TGFB2: variants seen among roughly 807,000 people sequenced by gnomAD.
TGFB2 encodes transforming growth factor beta-2 proprotein.
A neutral mutation model predicts 42.7 loss-of-function variants in TGFB2; 13 were observed. The ratio of observed to expected loss-of-function variants is 0.30; its 90% confidence interval spans 0.20 to 0.48. TGFB2 has a LOEUF of 0.48. Ranked by LOEUF, TGFB2 falls within the 20% of genes least tolerant of loss-of-function variation. TGFB2 has a pLI of 0.99. For missense variants in TGFB2, 390 were observed against 517.5 expected (o/e 0.75, Z 2.39); for synonymous variants, 193 against 193.6 (o/e 1.00, Z 0.03).
At chr1:218,352,271 T>C (rs766235802) in intron 1 of TGFB2, among the ~76,000 whole-genome samples, 22 of 152,168 alleles carry the variant, frequency 1.4e-4, no homozygotes, top group Non-Finnish European at 2.8e-4. Context: ...AGAGAGGATT[T>C]GGATTTGCCA....
At chr1:218,437,310 A>G in intron 5 of TGFB2, 33 bp from the exon 6 acceptor site, 1 of 1,541,850 alleles carries the variant, frequency 6.5e-7, no homozygotes, top group South Asian at 1.2e-5. Flanking sequence ...CAGCTTTAAA[A>G]TCTCCATTGC....
chr1:218,406,708 G>A (rs1310509679), intron 2 of TGFB2, among the ~76,000 whole-genome samples: 2 of 152,128 alleles, frequency 1.3e-5, no homozygotes, highest in Non-Finnish European at 2.9e-5. Flanking sequence ...GGAAGGGCAG[G>A]CACTGCAAAG....
At chr1:218,418,380 C>T (rs1029494879) in intron 2 of TGFB2, among the ~76,000 whole-genome samples, 14 of 152,234 alleles carry the variant, frequency 9.2e-5, no homozygotes, top group African/African-American at 3.4e-4. Context: ...TGACCAATTT[C>T]TCCCATTTGG....
intron 1 of TGFB2, among the ~76,000 whole-genome samples, chr1:218,392,372 A>G (rs1322607794): frequency 1.3e-5 from 2 of 152,004 alleles, no homozygotes; most frequent in African/African-American, 4.8e-5. Context: ...AAACAAACAA[A>G]CAAACAAAAA....
At chr1:218,428,681 T>C (rs562039505) in intron 2 of TGFB2, among the ~76,000 whole-genome samples, 1 of 152,238 alleles carries the variant, frequency 6.6e-6, no homozygotes, top group Non-Finnish European at 1.5e-5. Flanking sequence ...CTCTGTTCTG[T>C]TCCATTGATC....
intron 1 of TGFB2, among the ~76,000 whole-genome samples, chr1:218,403,574 A>T (rs1658804732): frequency 6.6e-6 from 1 of 152,222 alleles, no homozygotes; most frequent in Non-Finnish European, 1.5e-5. Flanking sequence ...GCCAACAGTC[A>T]GATGCCTGAG....
chr1:218,381,920 A>G (rs1052972158), intron 1 of TGFB2, among the ~76,000 whole-genome samples: 2 of 152,150 alleles, frequency 1.3e-5, no homozygotes, highest in Admixed American at 6.5e-5. Flanking sequence ...TTTTAAATTG[A>G]AGAAATTAGT....
At chr1:218,355,727 C>G (rs942167203) in intron 1 of TGFB2, among the ~76,000 whole-genome samples, 1 of 152,216 alleles carries the variant, frequency 6.6e-6, no homozygotes, top group Non-Finnish European at 1.5e-5. Context: ...CTTCTTTCCA[C>G]AGCAGCTATT....
chr1:218,379,224 C>T (rs1657870010), intron 1 of TGFB2, among the ~76,000 whole-genome samples: 1 of 151,150 alleles, frequency 6.6e-6, no homozygotes, highest in Non-Finnish European at 1.5e-5. Context: ...GCTCCGCCTC[C>T]CGGGTTCACG....
chr1:218,437,456 C>A lies in TGFB2; in HGVS notation c.1046C>A (p.Ala349Glu). The A allele has an allele frequency of 6.2e-7, 1 of 1,613,342 alleles. No individual in the cohort carries two copies. The highest frequency in any genetic ancestry group is 8.5e-7 in the Non-Finnish European group (1 of 1,179,774). ...KGYNANFCAGACPYLWSSDTQ... is the reference protein window; with the variant it reads ...KGYNANFCAGECPYLWSSDTQ... ...TACAATGCCAACTTCTGTGCTGGAG[C>A]ATGCCCGTATTTATGGAGTTCAGAC... The change falls in exon 6 of 7, where the codon GCA becomes GAA. Residue 349 changes from alanine to glutamate, a missense_variant. Transcript: ENST00000366930.
rs11118106 is a variant in TGFB2, at chr1:218,441,683, G to GACA, written c.*341_*343dup. ...TATTAGTGTTAATTATGTGAACAAC[G>GACA]ACAACAACAACAACAACAACAAACA... is the stretch of plus-strand genomic sequence containing the variant. On this transcript the variant is annotated 3_prime_UTR_variant, in exon 7 of 7. Transcript: ENST00000366930. 1,116 of 193,696 alleles carry GACA rather than the reference G, an allele frequency of 5.8e-3. 11 individuals carry two copies. Among genetic ancestry groups the GACA allele is most frequent in the African/African-American group, 0.024 (1,005 of 42,244 alleles). The allele number at this position is 193,696 out of a possible 1,614,324, so 12.0% of individuals were successfully genotyped here. A position where few individuals can be genotyped will look rare whatever the true frequency, so the allele number is the denominator to read the frequency against.
chr1:218,416,685 C>T (rs918639149), intron 2 of TGFB2, among the ~76,000 whole-genome samples: 2 of 152,168 alleles, frequency 1.3e-5, no homozygotes, highest in Non-Finnish European at 2.9e-5. Flanking sequence ...CCTGGTTGGT[C>T]CCCCTGTTTC....
At chr1:218,438,974 T>C (rs1660062114) in intron 6 of TGFB2, among the ~76,000 whole-genome samples, 1 of 151,982 alleles carries the variant, frequency 6.6e-6, no homozygotes, top group Non-Finnish European at 1.5e-5. Flanking sequence ...CCAGGCATGG[T>C]GGCGGGTGCC....
intron 2 of TGFB2, among the ~76,000 whole-genome samples, chr1:218,414,762 G>T (rs934574111): frequency 6.6e-6 from 1 of 150,412 alleles, no homozygotes; most frequent in Non-Finnish European, 1.5e-5. Flanking sequence ...TTCATAATGT[G>T]ACTCAGTAAC....
Position 218,444,543 on chromosome 1 carries a change from C to G in TGFB2, c.*3181C>G, listed in dbSNP as rs896828458. On this transcript the variant is annotated 3_prime_UTR_variant, in exon 7 of 7. Transcript: ENST00000366930. ...TTCCTCCAATTTTTTTGGCTGCTAC[C>G]TACAAGACCAGACTCCTCAAACGAG... 1 of 152,118 alleles carries G rather than the reference C, an allele frequency of 6.6e-6. No individual in the cohort carries two copies. Among genetic ancestry groups the G allele is most frequent in the African/African-American group, 2.4e-5 (1 of 41,434 alleles). 9.4% of individuals were successfully genotyped at this position (152,118 alleles called of 1,614,324 possible). A position where few individuals can be genotyped will look rare whatever the true frequency, so the allele number is the denominator to read the frequency against.
At chr1:218,403,335 T>C (rs1322867543) in intron 1 of TGFB2, among the ~76,000 whole-genome samples, 3 of 152,200 alleles carry the variant, frequency 2.0e-5, no homozygotes, top group Non-Finnish European at 4.4e-5. Flanking sequence ...TCCGTGGGCC[T>C]GTGTGCTGAG....
intron 1 of TGFB2, among the ~76,000 whole-genome samples, chr1:218,393,741 G>A (rs1253247754): frequency 6.6e-6 from 1 of 152,124 alleles, no homozygotes; most frequent in Non-Finnish European, 1.5e-5. Context: ...GATTATGGCA[G>A]AGAAGAGCTG....
At chr1:218,419,588 A>C (rs537820069) in intron 2 of TGFB2, among the ~76,000 whole-genome samples, 1 of 152,312 alleles carries the variant, frequency 6.6e-6, no homozygotes, top group South Asian at 2.1e-4. Flanking sequence ...GTGTTTTTTA[A>C]TGAATTTAAC....
intron 5 of TGFB2, among the ~76,000 whole-genome samples, chr1:218,436,570 G>A (rs1385757375): frequency 6.6e-6 from 1 of 152,196 alleles, no homozygotes; most frequent in Admixed American, 6.5e-5. Flanking sequence ...ACAGAGATGA[G>A]ACAGCAGAAG....
Sources: gnomAD v4.1 joint callset for allele counts (sites outside exome capture counted in the v4.1 genomes callset) on GRCh38, gnomAD v4.1.1 for gene constraint, MANE v1.5 for transcripts, NCBI Gene and HGNC (gene_info 2026-07-23, HGNC 2026-07-21) for gene names.